The following OR13G1 variants were observed in gnomAD, a reference collection of about 807,000 sequenced individuals.
OR13G1 encodes the protein olfactory receptor 13G1.
For synonymous variants in OR13G1, 128 were observed against 136.2 expected, an observed-to-expected ratio of 0.94 and a Z score of 0.42; for missense variants, 369 against 385.7, an observed-to-expected ratio of 0.96 and a Z score of 0.36.
rs569895657 is a variant in OR13G1 at position 247,672,725 on chromosome 1, C to G, written c.317G>C (p.Gly106Ala). Reference sequence around the variant, plus strand: ...GGTGGTGAAGAGAACCATCTCAGCTCCCAGAGACCATGTGAACAAGAAGAG... The same window carrying G: ...GGTGGTGAAGAGAACCATCTCAGCTGCCAGAGACCATGTGAACAAGAAGAG... The part of the protein sequence containing the change: ...SQLFLFTWSL[G>A]AEMVLFTTMA... Residue 106 changes from glycine (G) to alanine (A), a missense_variant, in exon 2 of 2, where the codon GGA becomes GCA. Gly to Ala is a moderately conservative substitution (Grantham distance 60). Coordinates refer to ENST00000642119, the MANE Select transcript of OR13G1 (RefSeq NM_001005487.2). 61 of 1,613,928 alleles carry G rather than the reference C, an allele frequency of 3.8e-5. No individual in the cohort carries two copies. The Middle Eastern group carries it at 5.0e-4, about 13-fold the overall frequency.
Position 247,671,662 on chromosome 1 carries a change from C to G in OR13G1, c.*456G>C. 6.1e-6 allele frequency: 1 copy of G among 163,912 alleles called. No homozygotes were observed. The allele number at this position is 163,912 out of a possible 1,614,324, so 10.2% of individuals were successfully genotyped here. On this transcript the variant is annotated 3_prime_UTR_variant, in exon 2 of 2. Coordinates refer to ENST00000642119, the MANE Select transcript of OR13G1 (RefSeq NM_001005487.2). ...AACCCCAGAGTAGATACCTCATTATCACAATGCTGTAAGTGAATGAACCCA... is the reference window on the plus strand; with the variant it reads ...AACCCCAGAGTAGATACCTCATTATGACAATGCTGTAAGTGAATGAACCCA...
chr1:247,675,892 C>T (rs1659336710), intron 1 of OR13G1, among the ~76,000 whole-genome samples: 1 of 152,078 alleles, frequency 6.6e-6, no homozygotes, highest in South Asian at 2.1e-4. Context: ...AATAGAAAGT[C>T]TATTTCTATT....
rs2103154403 is a variant in OR13G1 at position 247,672,509 on chromosome 1, A to G, written c.533T>C (p.Ile178Thr). The G allele has an allele frequency of 6.2e-7, 1 of 1,614,160 alleles. No individual in the cohort carries two copies. The highest frequency in any genetic ancestry group is 8.5e-7 in the Non-Finnish European group (1 of 1,180,010). ...PNTIDHFFCE[I>T]PPLLALSCSP... is the part of the protein sequence containing the mutation. ...ACAGGACAAAGCCAGCAATGGGGGT[A>G]TCTCACAGAAGAAGTGGTCAATGGT... is the stretch of plus-strand genomic sequence containing the variant. Residue 178 changes from isoleucine to threonine, a missense_variant, in exon 2 of 2, where the codon ATA (isoleucine) becomes ACA (threonine). Coordinates refer to ENST00000642119, the MANE Select transcript of OR13G1 (RefSeq NM_001005487.2).
intron 1 of OR13G1, among the ~76,000 whole-genome samples, chr1:247,678,386 G>A (rs28418666): frequency 0.068 from 10,398 of 151,916 alleles, 463 homozygotes; most frequent in East Asian, 0.19. Context: ...AAACAATATC[G>A]GCACACGTTT....
intron 1 of OR13G1, among the ~76,000 whole-genome samples, chr1:247,676,244 CCAAT>C (rs1659343781): frequency 6.6e-6 from 1 of 151,706 alleles, no homozygotes; most frequent in East Asian, 1.9e-4. Context: ...TATTGAGCTA[CCAAT>C]CAAAGGTAAA....
chr1:247,679,486 TTGTGTGTGTG>T (rs56753299), intron 1 of OR13G1, among the ~76,000 whole-genome samples, 144 bp downstream of exon 1: 2,577 of 144,620 alleles, frequency 0.018, 86 homozygotes, highest in African/African-American at 0.06. Flanking sequence ...CGCGGATGGA[TTGTGTGTGTG>T]TGTGTGTGTG....
At chr1:247,676,470 T>G (rs533252113) in intron 1 of OR13G1, among the ~76,000 whole-genome samples, 1 of 142,164 alleles carries the variant, frequency 7.0e-6, no homozygotes, top group Non-Finnish European at 1.6e-5. Flanking sequence ...AATTCTATAA[T>G]AATTATAATA....
At chr1:247,679,394 G>A (rs867693417) in intron 1 of OR13G1, among the ~76,000 whole-genome samples, 4 of 151,810 alleles carry the variant, frequency 2.6e-5, no homozygotes, top group Non-Finnish European at 5.9e-5. Flanking sequence ...TGAAAGGCTG[G>A]CAGGCAATAT....
At chr1:247,675,635 A>G (rs1229798646) in intron 1 of OR13G1, among the ~76,000 whole-genome samples, 2 of 152,152 alleles carry the variant, frequency 1.3e-5, no homozygotes, top group Non-Finnish European at 2.9e-5. Flanking sequence ...ACACTGTGAC[A>G]CAGTTCACTG....
intron 1 of OR13G1, among the ~76,000 whole-genome samples, chr1:247,675,500 TTTC>T (rs1659327352): frequency 6.6e-6 from 1 of 152,114 alleles, no homozygotes; most frequent in Non-Finnish European, 1.5e-5. Context: ...CTGTTTCTCT[TTTC>T]TTCTTGTAAT....
chr1:247,672,036 G>A lies in OR13G1; in HGVS notation c.*82C>T. ...GAGGGAAGGGAAAATTGGAGTGGAG[G>A]TAAGTATGAAAAACCAGTAAAATCT... On this transcript the variant is annotated 3_prime_UTR_variant, in exon 2 of 2. Transcript: ENST00000642119. 1 of 1,147,804 alleles carries A rather than the reference G, an allele frequency of 8.7e-7. No individual in the cohort carries two copies. Among genetic ancestry groups the A allele is most frequent in the South Asian group, 1.5e-5 (1 of 67,186 alleles). 71.1% of individuals were successfully genotyped at this position (1,147,804 alleles called of 1,614,324 possible).
In OR13G1 at chr1:247,671,336, G is replaced by A. The variant is rs1247708175; in HGVS notation, c.*782C>T. ...ATTCTACTTGGGTTATGGATGAGAC[G>A]CCTAGTAATACAAAAGCCATTCATG... On this transcript the variant is annotated 3_prime_UTR_variant, in exon 2 of 2. Coordinates refer to ENST00000642119, the MANE Select transcript of OR13G1 (RefSeq NM_001005487.2). 2.0e-5 allele frequency: 3 copies of A among 151,896 alleles called. No homozygotes were observed. Among genetic ancestry groups the A allele is most frequent in the Admixed American group, 1.3e-4 (2 of 15,222 alleles). 9.4% of individuals were successfully genotyped at this position (151,896 alleles called of 1,614,324 possible). A position where few individuals can be genotyped will look rare whatever the true frequency, so the allele number is the denominator to read the frequency against.
In OR13G1 at chr1:247,672,575, T is replaced by C; in HGVS notation, c.467A>G (p.His156Arg). 1 of 1,614,034 alleles carries C rather than the reference T, an allele frequency of 6.2e-7. No homozygotes were observed. The highest frequency in any genetic ancestry group is 8.5e-7 in the Non-Finnish European group (1 of 1,179,974). The change falls in exon 2 of 2, where the codon CAC becomes CGC. Residue 156 changes from histidine to arginine, a missense_variant. By Grantham distance (29) the His-to-Arg change is conservative (BLOSUM62 0). Coordinates refer to ENST00000642119, the MANE Select transcript of OR13G1 (RefSeq NM_001005487.2). ...MAIAVTNSWV[H>R]TALIMRLTFC... ...AGTCAACCTCATGATAAGAGCTGTG[T>C]GCACCCAGGAATTGGTGACTGCAAT... is the stretch of plus-strand genomic sequence containing the variant.
At chr1:247,679,486 TTGTGTGTGTGTGTGTG>T (rs56753299) in intron 1 of OR13G1, among the ~76,000 whole-genome samples, 138 bp downstream of exon 1, 24 of 144,518 alleles carry the variant, frequency 1.7e-4, no homozygotes, top group Non-Finnish European at 3.3e-4. Context: ...CGCGGATGGA[TTGTGTGTGTGTGTGTG>T]TGTGTGTGTG....
intron 1 of OR13G1, among the ~76,000 whole-genome samples, chr1:247,676,538 A>C: frequency 6.6e-6 from 1 of 152,282 alleles, no homozygotes; most frequent in South Asian, 2.1e-4. Context: ...TCATTATGCT[A>C]TTAGATTATG....
intron 1 of OR13G1, among the ~76,000 whole-genome samples, chr1:247,677,461 A>G (rs1156263362): frequency 6.6e-6 from 1 of 152,192 alleles, no homozygotes; most frequent in Non-Finnish European, 1.5e-5. Flanking sequence ...TCTTAAATGG[A>G]GACTGTGTTT....
At chr1:247,677,822 G>C (rs1151667) in intron 1 of OR13G1, among the ~76,000 whole-genome samples, 76,850 of 151,666 alleles carry the variant, frequency 0.51, 19,526 homozygotes, top group Admixed American at 0.61. Context: ...AGAATTAATA[G>C]GGCCGGGTGC....
chr1:247,672,504 G>T lies in OR13G1; in HGVS notation c.538C>A (p.Pro180Thr). The change falls in exon 2 of 2, where the codon CCA becomes ACA. Residue 180 changes from proline (P) to threonine (T), a missense_variant. Coordinates refer to ENST00000642119, the MANE Select transcript of OR13G1 (RefSeq NM_001005487.2). ...TIDHFFCEIP[P>T]LLALSCSPVR... ...GGGCTACAGGACAAAGCCAGCAATG[G>T]GGGTATCTCACAGAAGAAGTGGTCA... 1 of 1,614,098 alleles carries T rather than the reference G, an allele frequency of 6.2e-7. No homozygotes were observed. The highest frequency in any genetic ancestry group is 2.2e-5 in the East Asian group (1 of 44,884).
At position 247,672,853 on chromosome 1, in the gene OR13G1, C is replaced by T; in HGVS notation, c.189G>A (p.Leu63=). Residue 63 remains leucine, a synonymous_variant, in exon 2 of 2, where the codon CTG becomes CTA. Transcript: ENST00000642119. ...HTPMYVFLLT[L]AVVDIICTTS... ...TTGTGCAGATGATGTCCACAACAGC[C>T]AGTGTCAGAAGGAAAACATACATGG... 6.2e-7 allele frequency: 1 copy of T among 1,613,864 alleles called. No individual in the cohort carries two copies. The highest frequency in any genetic ancestry group is 8.5e-7 in the Non-Finnish European group (1 of 1,179,958).
Sources: allele counts gnomAD v4.1 joint callset (sites outside exome capture counted in the v4.1 genomes callset), GRCh38; gene constraint gnomAD v4.1.1; transcripts MANE v1.5; gene names NCBI Gene and HGNC (gene_info 2026-07-23, HGNC 2026-07-21).